Variants in CEP128 observed in about 807,000 individuals in gnomAD.
CEP128 encodes centrosomal protein 128, also known as centrosomal protein 128kDa.
Under a neutral mutation model 156.7 loss-of-function variants are expected in CEP128, and 132 were observed. The observed-to-expected ratio is 0.84, with a 90% CI of 0.73 to 0.97. The LOEUF is 0.97. CEP128 is among the 50% of genes least tolerant of loss of function. The pLI, the probability that CEP128 is intolerant of heterozygous loss-of-function variation, is 0.00. For synonymous variants in CEP128, 469 were observed against 448.9 expected, an observed-to-expected ratio of 1.04 and a Z score of -0.57; for missense variants, 1,252 against 1,281.9, an observed-to-expected ratio of 0.98 and a Z score of 0.36.
At chr14:80,720,380 G>C (rs1471445291) in intron 19 of CEP128, among the ~76,000 whole-genome samples, 1 of 152,144 alleles carries the variant, frequency 6.6e-6, no homozygotes, top group African/African-American at 2.4e-5. Flanking sequence ...GCAAGCTGCT[G>C]AGAGGTGAAT....
chr14:80,901,384 A>G (rs1340076626), intron 6 of CEP128, among the ~76,000 whole-genome samples: 1 of 152,228 alleles, frequency 6.6e-6, no homozygotes, highest in Non-Finnish European at 1.5e-5. Context: ...GAAACAACAA[A>G]TTGATTCATT....
intron 19 of CEP128, among the ~76,000 whole-genome samples, chr14:80,684,213 G>GA (rs1398536023): frequency 1.3e-5 from 2 of 151,758 alleles, no homozygotes; most frequent in African/African-American, 2.4e-5. Context: ...TAACAAAGGG[G>GA]AAAAAAATAG....
At chr14:80,729,007 C>T (rs1898127902) in intron 19 of CEP128, among the ~76,000 whole-genome samples, 1 of 150,474 alleles carries the variant, frequency 6.6e-6, no homozygotes, top group African/African-American at 2.5e-5. Flanking sequence ...TTTTGCTGCC[C>T]TTTAACTGGG....
At chr14:80,700,565 T>C (rs1897042021) in intron 19 of CEP128, among the ~76,000 whole-genome samples, 1 of 152,184 alleles carries the variant, frequency 6.6e-6, no homozygotes, top group African/African-American at 2.4e-5. Context: ...ATATATGTTA[T>C]GCTTAAATAT....
chr14:80,499,229 C>A (rs1369198182), intron 24 of CEP128, among the ~76,000 whole-genome samples: 3 of 152,186 alleles, frequency 2.0e-5, no homozygotes, highest in Non-Finnish European at 4.4e-5. Context: ...CATCTTTTCA[C>A]AGTTAGCCGG....
At chr14:80,527,375 G>T in intron 22 of CEP128, 1 of 267,142 alleles carries the variant, frequency 3.7e-6, no homozygotes, top group Non-Finnish European at 7.9e-6. Context: ...GGCAGAGGTT[G>T]CAGTGAGATT....
chr14:80,612,578 T>C (rs1293153902), intron 19 of CEP128, among the ~76,000 whole-genome samples: 2 of 152,182 alleles, frequency 1.3e-5, no homozygotes, highest in Non-Finnish European at 2.9e-5. Context: ...TGAGAGTACA[T>C]GAATTACTTA....
chr14:80,530,935 T>C, intron 21 of CEP128, 49 bp from the exon 22 acceptor site: 2 of 1,237,296 alleles, frequency 1.6e-6, no homozygotes, highest in Non-Finnish European at 1.2e-6. Flanking sequence ...AATTGATTAA[T>C]ACTCTCAGAA....
At position 80,498,139 on chromosome 14, in the gene CEP128, C is replaced by T. The variant is rs115623075; in HGVS notation, c.3182-557G>A. ...TCTCCAACTTGAAAAATGATATACCCGTCTGCCCAGTTTCTCAAACCGTGG... is the reference window on the plus strand; with the variant it reads ...TCTCCAACTTGAAAAATGATATACCTGTCTGCCCAGTTTCTCAAACCGTGG... On this transcript the variant is annotated intron_variant, in intron 24 of 24. Transcript: ENST00000555265. Among the ~76,000 whole-genome samples, 1,517 of 152,254 alleles carry T rather than the reference C, an allele frequency of 1.0e-2. 19 individuals are homozygous for T. Among genetic ancestry groups the T allele is most frequent in the African/African-American group, 0.035 (1,453 of 41,558 alleles).
chr14:80,676,687 A>T (rs1896076290), intron 19 of CEP128, among the ~76,000 whole-genome samples: 1 of 152,146 alleles, frequency 6.6e-6, no homozygotes, highest in Admixed American at 6.5e-5. Flanking sequence ...TTTCCCACAG[A>T]TATATCACAT....
chr14:80,674,394 T>C (rs1895980995), intron 19 of CEP128, among the ~76,000 whole-genome samples: 1 of 152,174 alleles, frequency 6.6e-6, no homozygotes, highest in Non-Finnish European at 1.5e-5. Flanking sequence ...CCATTTCTGC[T>C]TACTAACAAG....
chr14:80,587,140 G>A (rs1269937242), intron 19 of CEP128, among the ~76,000 whole-genome samples: 1 of 151,822 alleles, frequency 6.6e-6, no homozygotes, highest in Non-Finnish European at 1.5e-5. Context: ...AACAAAAAAG[G>A]CCTATTAGTA....
intron 21 of CEP128, among the ~76,000 whole-genome samples, chr14:80,549,041 C>T (rs1271198772): frequency 6.6e-6 from 1 of 152,132 alleles, no homozygotes; most frequent in African/African-American, 2.4e-5. Context: ...GTTTCAGAAG[C>T]TTAACCCTTT....
At chr14:80,563,369 G>T (rs1392137235) in intron 20 of CEP128, among the ~76,000 whole-genome samples, 1 of 151,992 alleles carries the variant, frequency 6.6e-6, no homozygotes, top group African/African-American at 2.4e-5. Flanking sequence ...ATAAATCAGT[G>T]GCTCTTATTT....
chr14:80,509,489 A>AT (rs1161660832), intron 23 of CEP128, among the ~76,000 whole-genome samples: 3 of 151,960 alleles, frequency 2.0e-5, no homozygotes, highest in African/African-American at 7.3e-5. Flanking sequence ...AAATTATTAG[A>AT]TTTTTTTCCC....
chr14:80,752,056 C>G (rs925481358), intron 18 of CEP128, among the ~76,000 whole-genome samples: 1 of 151,936 alleles, frequency 6.6e-6, no homozygotes, highest in African/African-American at 2.4e-5. Context: ...CTACTGAGTC[C>G]TAGGGTAATG....
intron 18 of CEP128, among the ~76,000 whole-genome samples, chr14:80,756,074 CTTG>C (rs970973021): frequency 2.3e-4 from 35 of 152,250 alleles, no homozygotes; most frequent in African/African-American, 8.4e-4. Flanking sequence ...GTACATTGCT[CTTG>C]TTGTCAGAAT....
At chr14:80,799,854 G>A (rs930822995) in intron 13 of CEP128, among the ~76,000 whole-genome samples, 1 of 152,094 alleles carries the variant, frequency 6.6e-6, no homozygotes, top group Non-Finnish European at 1.5e-5. Context: ...GACAATAAGT[G>A]CACCGCTGAA....
chr14:80,952,386 T>G (rs1886485473), intron 2 of CEP128, among the ~76,000 whole-genome samples: 1 of 152,076 alleles, frequency 6.6e-6, no homozygotes, highest in South Asian at 2.1e-4. Flanking sequence ...ATTTGGAAAC[T>G]AAACCACATG....
Sources: gnomAD v4.1 joint callset for allele counts (sites outside exome capture counted in the v4.1 genomes callset) on GRCh38, gnomAD v4.1.1 for gene constraint, MANE v1.5 for transcripts, NCBI Gene and HGNC (gene_info 2026-07-23, HGNC 2026-07-21) for gene names.